TMEM67: variants seen among roughly 807,000 people sequenced by gnomAD.
TMEM67 encodes transmembrane protein 67.
Under a neutral mutation model 136.6 loss-of-function variants are expected in TMEM67, and 124 were observed. The observed-to-expected ratio is 0.91, with a 90% CI of 0.78 to 1.05. The LOEUF (loss-of-function observed/expected upper bound fraction) is 1.05. Ranked by LOEUF, TMEM67 falls within the 50% of genes least tolerant of loss-of-function variation. The pLI is 0.00. For missense variants in TMEM67, 1,107 were observed against 1,178.4 expected (o/e 0.94, Z 0.89); for synonymous variants, 364 against 390.5 (o/e 0.93, Z 0.80).
At chr8:93,761,185 G>A (rs1353338083) in intron 3 of TMEM67, among the ~76,000 whole-genome samples, 1 of 152,088 alleles carries the variant, frequency 6.6e-6, no homozygotes, top group Non-Finnish European at 1.5e-5. Flanking sequence ...TGTAATCCCA[G>A]TTTCTTGGAG....
Position 93,781,747 on chromosome 8 carries a change from A to C in TMEM67, c.1065+3A>C, listed in dbSNP as rs758658630. On this transcript the variant is annotated splice_donor_region_variant and intron_variant, in intron 10 of 27. Coordinates refer to ENST00000453321, the MANE Select transcript of TMEM67 (RefSeq NM_153704.6). ...CTTTAGAAGGAGGTGTTTTACAGGT[A>C]AGCATGATTCTAGTTAAAGAATTAA... 1 of 1,572,132 alleles carries C rather than the reference A, an allele frequency of 6.4e-7. No homozygotes were observed. Among genetic ancestry groups the C allele is most frequent in the Admixed American group, 1.7e-5 (1 of 59,308 alleles).
chr8:93,779,113 A>G (rs1365755659), intron 7 of TMEM67, among the ~76,000 whole-genome samples: 2 of 152,136 alleles, frequency 1.3e-5, no homozygotes, highest in Non-Finnish European at 2.9e-5. Flanking sequence ...TTGATCTTCA[A>G]TTACTGATAC....
intron 2 of TMEM67, among the ~76,000 whole-genome samples, chr8:93,757,611 G>C (rs1586334737): frequency 6.7e-6 from 1 of 149,908 alleles, no homozygotes; most frequent in East Asian, 2.0e-4. Context: ...ACTCCAGCCT[G>C]GCAACAGAGC....
Position 93,762,499 on chromosome 8 carries a change from A to G in TMEM67, c.407-1343A>G, listed in dbSNP as rs374587070. On this transcript the variant is annotated intron_variant, in intron 3 of 27. Transcript: ENST00000453321. Reference sequence around the variant, plus strand: ...GGTGTGAGCCACCATGCCTGGTCTTATTTTTTCAGAGACGTGGTCTTGTTA... The same window carrying G: ...GGTGTGAGCCACCATGCCTGGTCTTGTTTTTTCAGAGACGTGGTCTTGTTA... 7.9e-5 allele frequency among the ~76,000 whole-genome samples: 12 copies of G among 151,466 alleles called. No individual in the cohort carries two copies. The East Asian group carries it at 1.9e-3, about 25-fold the overall frequency.
chr8:93,761,035 G>T (rs531582945), intron 3 of TMEM67, among the ~76,000 whole-genome samples: 3 of 152,090 alleles, frequency 2.0e-5, no homozygotes, highest in Non-Finnish European at 4.4e-5. Flanking sequence ...TTTCGACCGG[G>T]CACAGTGGCT....
At position 93,786,229 on chromosome 8, in the gene TMEM67, A is replaced by G. The variant is rs1814089813; in HGVS notation, c.1295A>G (p.Asn432Ser). The stretch of plus-strand genomic sequence containing the variant: ...TTTCTTTTTATAATAAAAGACAGCA[A>G]CTCTGGAAAGTGGCTTCTAACTCGG... ...HNKIFVNQDS[N>S]SGKWLLTRRI... Residue 432 changes from asparagine (N) to serine (S), a missense_variant, in exon 13 of 28, where the codon AAC becomes AGC. This residue lies in a region of TMEM67 where 925 missense variants were observed against 1,002.4 expected (regional missense o/e 0.92). Coordinates refer to ENST00000453321, the MANE Select transcript of TMEM67 (RefSeq NM_153704.6). 1.9e-6 allele frequency: 3 copies of G among 1,613,934 alleles called. No individual in the cohort carries two copies. Among genetic ancestry groups the G allele is most frequent in the East Asian group, 2.2e-5 (1 of 44,866 alleles).
In TMEM67 at chr8:93,810,026, T is replaced by C. The variant is rs565368067; in HGVS notation, c.2764+139T>C. On this transcript the variant is annotated intron_variant, in intron 26 of 27. Transcript: ENST00000453321. ...CTCTGTTGCCCAGGCTGGAGTGCAGTGGCACGATCTCAGCTTACTGCAAGC... is the reference window on the plus strand; with the variant it reads ...CTCTGTTGCCCAGGCTGGAGTGCAGCGGCACGATCTCAGCTTACTGCAAGC... 8.4e-4 allele frequency: 456 copies of C among 541,096 alleles called. 2 individuals are homozygous for C. The highest frequency in any genetic ancestry group is 7.7e-3 in the African/African-American group (399 of 51,502). The allele number at this position is 541,096 out of a possible 1,614,324, so 33.5% of individuals were successfully genotyped here.
At chr8:93,788,031 G>GT in intron 14 of TMEM67, 82 bp downstream of exon 14, 1 of 991,092 alleles carries the variant, frequency 1.0e-6, no homozygotes, top group Admixed American at 1.9e-5. Context: ...TCAAAAGACA[G>GT]TCTTTTTTTT....
chr8:93,797,865 C>T (rs551190216), intron 20 of TMEM67, among the ~76,000 whole-genome samples: 2 of 152,262 alleles, frequency 1.3e-5, no homozygotes, highest in South Asian at 4.1e-4. Context: ...GCCTATAATC[C>T]CAGCTGCTCG....
intron 7 of TMEM67, 55 bp downstream of exon 7, chr8:93,772,706 TA>T: frequency 7.4e-7 from 1 of 1,348,706 alleles, no homozygotes; most frequent in Middle Eastern, 2.2e-4. Context: ...TTATACCATT[TA>T]TTTACCCAGA....
intron 16 of TMEM67, among the ~76,000 whole-genome samples, chr8:93,794,011 C>A (rs1814501226): frequency 6.6e-6 from 1 of 152,102 alleles, no homozygotes; most frequent in South Asian, 2.1e-4. Context: ...CCTGCCTCAG[C>A]CTCCTGAGTA....
Position 93,808,594 on chromosome 8 carries a change from G to T in TMEM67, c.2440-246G>T, listed in dbSNP as rs7016265. On this transcript the variant is annotated intron_variant, in intron 23 of 27. Transcript: ENST00000453321. The stretch of plus-strand genomic sequence containing the variant: ...TAGATAAATATATATATATATTTAA[G>T]TAGAGCAAAGGAGATGATATAAAGA... 0.031 allele frequency among the ~76,000 whole-genome samples: 769 copies of T among 24,588 alleles called. 10 individuals carry two copies. The highest frequency in any genetic ancestry group is 0.079 in the African/African-American group (726 of 9,194). The allele number at this position is 24,588 out of a possible 152,430, so 16.1% of individuals were successfully genotyped here. A position where few individuals can be genotyped will look rare whatever the true frequency, so the allele number is the denominator to read the frequency against.
At chr8:93,768,133 T>C (rs1342826356) in intron 6 of TMEM67, among the ~76,000 whole-genome samples, 1 of 152,066 alleles carries the variant, frequency 6.6e-6, no homozygotes, top group Non-Finnish European at 1.5e-5. Context: ...CCCAAAGTGC[T>C]GGGATTACAG....
At chr8:93,822,565 T>C (rs998841454), downstream of TMEM67, among the ~76,000 whole-genome samples, 1 of 152,100 alleles carries the variant, frequency 6.6e-6, no homozygotes, top group African/African-American at 2.4e-5. Context: ...AGCTCAAAGG[T>C]AGGTGTGCTC....
At chr8:93,799,498 T>C in intron 20 of TMEM67, 120 bp from the exon 21 acceptor site, 2 of 738,770 alleles carry the variant, frequency 2.7e-6, no homozygotes, top group South Asian at 1.8e-5. Flanking sequence ...TTCTACTGTT[T>C]ATACAAACTT....
intron 6 of TMEM67, among the ~76,000 whole-genome samples, chr8:93,767,999 G>A (rs1362841617): frequency 6.6e-6 from 1 of 151,330 alleles, no homozygotes; most frequent in Non-Finnish European, 1.5e-5. Context: ...CCAAGTAGCT[G>A]GGATTACAGG....
chr8:93,807,266 C>G (rs1045157968), intron 23 of TMEM67, among the ~76,000 whole-genome samples: 2 of 151,950 alleles, frequency 1.3e-5, no homozygotes, highest in Non-Finnish European at 2.9e-5. Flanking sequence ...ATCTTTGATT[C>G]ACTGATTTTA....
At chr8:93,764,878 C>T (rs1403996155) in intron 4 of TMEM67, among the ~76,000 whole-genome samples, 2 of 151,954 alleles carry the variant, frequency 1.3e-5, no homozygotes. Flanking sequence ...GGACCAGTAC[C>T]CTCCCTCCCT....
rs1399027231 is a variant in TMEM67 at position 93,791,283 on chromosome 8, T to C, written c.1539T>C (p.Tyr513=). The C allele has an allele frequency of 6.2e-7, 1 of 1,607,328 alleles. No homozygotes were observed. Among genetic ancestry groups the C allele is most frequent in the Non-Finnish European group, 8.5e-7 (1 of 1,174,282 alleles). The change falls in exon 15 of 28, where the codon TAT becomes TAC. Residue 513 remains tyrosine (Y), a synonymous_variant. Coordinates refer to ENST00000453321, the MANE Select transcript of TMEM67 (RefSeq NM_153704.6). ...QSVKVSFSVT[Y]EMDHGEAHVQ... ...ATCAGGTTTCTTTCTCAGTCACATATGAAATGGATCATGGAGAAGCACATG... is the reference window on the plus strand; with the variant it reads ...ATCAGGTTTCTTTCTCAGTCACATACGAAATGGATCATGGAGAAGCACATG...
Sources: gnomAD v4.1 joint callset for allele counts (sites outside exome capture counted in the v4.1 genomes callset) on GRCh38, gnomAD v4.1.1 for gene constraint, gnomAD v4.1.1 regional missense constraint, MANE v1.5 for transcripts, NCBI Gene and HGNC (gene_info 2026-07-23, HGNC 2026-07-21) for gene names.